PDE8B: variants seen among roughly 807,000 people sequenced by gnomAD.
PDE8B encodes the protein phosphodiesterase 8B, also known as high affinity cAMP-specific and IBMX-insensitive 3',5'-cyclic phosphodiesterase 8B.
In PDE8B, 26 loss-of-function variants were observed where a neutral mutation model predicts 101.3. The observed-to-expected ratio is 0.26, with a 90% CI of 0.19 to 0.36. The LOEUF is 0.36. Ranked by LOEUF, PDE8B falls within the 10% of genes least tolerant of loss-of-function variation. The pLI, the probability that PDE8B is intolerant of heterozygous loss-of-function variation, is 1.00. For missense variants in PDE8B, 810 were observed against 1,163.1 expected, an observed-to-expected ratio of 0.70 and a Z score of 4.42; for synonymous variants, 424 against 429.3, an observed-to-expected ratio of 0.99 and a Z score of 0.15.
intron 1 of PDE8B, among the ~76,000 whole-genome samples, chr5:77,235,520 C>A (rs1754478975): frequency 6.6e-6 from 1 of 152,152 alleles, no homozygotes; most frequent in African/African-American, 2.4e-5. Flanking sequence ...TTTAGCTATA[C>A]AACAAGTAAA....
intron 1 of PDE8B, among the ~76,000 whole-genome samples, chr5:77,297,435 G>T (rs932490138): frequency 1.6e-4 from 25 of 151,856 alleles, no homozygotes; most frequent in Admixed American, 2.0e-4. Flanking sequence ...TACACACTGG[G>T]CCCACCCCTA....
At chr5:77,310,864 G>T (rs1772444010) in intron 1 of PDE8B, among the ~76,000 whole-genome samples, 1 of 152,214 alleles carries the variant, frequency 6.6e-6, no homozygotes, top group African/African-American at 2.4e-5. Flanking sequence ...GTGCTTTGGA[G>T]AGTGTTCATA....
chr5:77,120,847 C>T, the PDE8B span, among the ~76,000 whole-genome samples: 1 of 152,196 alleles, frequency 6.6e-6, no homozygotes, highest in African/African-American at 2.4e-5. Context: ...CTTCTTTCTC[C>T]TTGTGTCAGT....
intron 10 of PDE8B, among the ~76,000 whole-genome samples, chr5:77,377,472 A>T (rs1786364877): frequency 1.3e-5 from 2 of 152,226 alleles, no homozygotes; most frequent in South Asian, 4.1e-4. Context: ...GGTGATTCTG[A>T]TATAAAGACC....
chr5:77,229,108 G>C (rs1279139884), intron 1 of PDE8B, among the ~76,000 whole-genome samples: 1 of 152,166 alleles, frequency 6.6e-6, no homozygotes, highest in Non-Finnish European at 1.5e-5. Flanking sequence ...AAATTAAGTG[G>C]CTGATGATAG....
At chr5:77,303,867 ACT>A (rs1175561167) in intron 1 of PDE8B, among the ~76,000 whole-genome samples, 3 of 152,114 alleles carry the variant, frequency 2.0e-5, no homozygotes, top group Non-Finnish European at 4.4e-5. Context: ...TAAATGAGTA[ACT>A]CTAGTTGTTT....
intron 5 of PDE8B, among the ~76,000 whole-genome samples, chr5:77,333,717 T>A (rs11741458): frequency 0.2 from 30,766 of 152,218 alleles, 3,532 homozygotes; most frequent in Middle Eastern, 0.33. Context: ...GAGAAACAAC[T>A]GGAACTCTTT....
chr5:77,378,938 T>C (rs982528194), intron 10 of PDE8B, among the ~76,000 whole-genome samples: 2 of 152,372 alleles, frequency 1.3e-5, no homozygotes, highest in South Asian at 2.1e-4. Context: ...AGTGTGGTGG[T>C]TCTTACATTG....
At chr5:77,245,459 G>T (rs1481816475) in intron 1 of PDE8B, among the ~76,000 whole-genome samples, 4 of 152,158 alleles carry the variant, frequency 2.6e-5, no homozygotes, top group African/African-American at 4.8e-5. Flanking sequence ...CATTAACAAT[G>T]ACTATTTTCT....
chr5:77,168,511 G>C, the PDE8B span, among the ~76,000 whole-genome samples: 25 of 152,354 alleles, frequency 1.6e-4, no homozygotes, highest in African/African-American at 5.8e-4. Flanking sequence ...CACTCCTCCT[G>C]CCCCTCTGAG....
At chr5:77,233,009 T>G (rs1165644487) in intron 1 of PDE8B, among the ~76,000 whole-genome samples, 1 of 152,148 alleles carries the variant, frequency 6.6e-6, no homozygotes, top group Non-Finnish European at 1.5e-5. Context: ...CTTGGCAGTG[T>G]GGGGAGCTAA....
At chr5:77,294,245 C>G (rs1459211960) in intron 1 of PDE8B, among the ~76,000 whole-genome samples, 1 of 152,080 alleles carries the variant, frequency 6.6e-6, no homozygotes, top group Non-Finnish European at 1.5e-5. Flanking sequence ...CAGTTAGGGC[C>G]AAACCACTGA....
the PDE8B span, among the ~76,000 whole-genome samples, chr5:77,101,552 A>G: frequency 3.9e-5 from 6 of 152,236 alleles, no homozygotes; most frequent in Middle Eastern, 0.017. Flanking sequence ...AGATTGCACT[A>G]TGTTAGAAGG....
intron 20 of PDE8B, among the ~76,000 whole-genome samples, chr5:77,423,870 C>T (rs757869967): frequency 6.6e-6 from 1 of 151,816 alleles, no homozygotes; most frequent in Non-Finnish European, 1.5e-5. Context: ...TTCCTGAGCT[C>T]AGGCAATCCG....
At chr5:77,315,042 A>G (rs1773506609) in intron 2 of PDE8B, among the ~76,000 whole-genome samples, 1 of 151,942 alleles carries the variant, frequency 6.6e-6, no homozygotes. Flanking sequence ...AAAGTTATTG[A>G]GTTGTATGAG....
the PDE8B span, among the ~76,000 whole-genome samples, chr5:77,196,259 T>C: frequency 6.6e-6 from 1 of 152,302 alleles, no homozygotes; most frequent in African/African-American, 2.4e-5. Flanking sequence ...TCATTTGATG[T>C]ACAAAAACTT....
the PDE8B span, among the ~76,000 whole-genome samples, chr5:77,198,365 C>T: frequency 6.6e-6 from 1 of 152,106 alleles, no homozygotes; most frequent in Non-Finnish European, 1.5e-5. Flanking sequence ...AGGAATTTCA[C>T]CCTACTCATA....
At chr5:77,131,661 G>C in the PDE8B span, among the ~76,000 whole-genome samples, 1 of 152,120 alleles carries the variant, frequency 6.6e-6, no homozygotes. Flanking sequence ...TTAAGCAAAA[G>C]AATAAAAATT....
At chr5:77,141,142 T>G in the PDE8B span, 4 of 152,166 alleles carry the variant, frequency 2.6e-5, no homozygotes, top group Non-Finnish European at 1.5e-5. Context: ...AGCTATAAAT[T>G]TTGGGAATTG....
Sources: gnomAD v4.1 joint callset for allele counts (sites outside exome capture counted in the v4.1 genomes callset) on GRCh38, gnomAD v4.1.1 for gene constraint, MANE v1.5 for transcripts, NCBI Gene and HGNC (gene_info 2026-07-23, HGNC 2026-07-21) for gene names.